ZDHHC14: variants seen among roughly 807,000 people sequenced by gnomAD.
ZDHHC14 encodes palmitoyltransferase ZDHHC14.
Under a neutral mutation model 47.7 loss-of-function variants are expected in ZDHHC14, and 16 were observed. The ratio of observed to expected loss-of-function variants is 0.34; its 90% CI spans 0.23 to 0.51. The LOEUF (loss-of-function observed/expected upper bound fraction) is 0.51. ZDHHC14 is among the 20% of genes least tolerant of loss of function. The pLI is 0.97. For synonymous variants in ZDHHC14, 293 were observed against 278.9 expected (o/e 1.05, Z -0.50); for missense variants, 515 against 662.5 (o/e 0.78, Z 2.44).
chr6:157,441,913 T>C (rs374415548), intron 1 of ZDHHC14, among the ~76,000 whole-genome samples: 57 of 152,314 alleles, frequency 3.7e-4, no homozygotes, highest in African/African-American at 1.4e-3. Flanking sequence ...ACAGAAAAGA[T>C]TTCTGTTTCG....
chr6:157,542,511 T>A (rs922656284), intron 1 of ZDHHC14, 74 bp from the exon 2 acceptor site: 24 of 1,515,774 alleles, frequency 1.6e-5, no homozygotes, highest in Non-Finnish European at 1.9e-5. Flanking sequence ...AGATAAAGAC[T>A]GCTTACTGTT....
chr6:157,659,361 G>A (rs747037814), intron 8 of ZDHHC14, among the ~76,000 whole-genome samples: 2 of 152,234 alleles, frequency 1.3e-5, no homozygotes, highest in Non-Finnish European at 2.9e-5. Flanking sequence ...CGTGGTCTCC[G>A]GGCCCCGCAC....
intron 1 of ZDHHC14, among the ~76,000 whole-genome samples, chr6:157,456,997 T>TAATAAATAAATAAATAAATAAATAAATA (rs557075276): frequency 4.1e-5 from 6 of 146,888 alleles, no homozygotes; most frequent in South Asian, 2.1e-4. Context: ...AAAAATACAA[T>TAATAAATAAATAAATAAATAAATAAATA]AATAAATAAA....
chr6:157,435,498 C>T (rs1308089323), intron 1 of ZDHHC14, among the ~76,000 whole-genome samples: 1 of 152,078 alleles, frequency 6.6e-6, no homozygotes. Context: ...CCTATAAGCT[C>T]AGTAAGGTGG....
chr6:157,404,395 A>G (rs1298347723), intron 1 of ZDHHC14, among the ~76,000 whole-genome samples: 1 of 152,164 alleles, frequency 6.6e-6, no homozygotes. Flanking sequence ...TCAGCCTCCC[A>G]AAGTGCTGGG....
intron 8 of ZDHHC14, among the ~76,000 whole-genome samples, chr6:157,656,719 C>CAA (rs35815142): frequency 1.9e-5 from 2 of 106,430 alleles, no homozygotes. Flanking sequence ...AAAAAAAAAA[C>CAA]AAAAAAAAAA....
chr6:157,589,209 T>A (rs1783814336), intron 2 of ZDHHC14, among the ~76,000 whole-genome samples: 1 of 151,904 alleles, frequency 6.6e-6, no homozygotes, highest in African/African-American at 2.4e-5. Context: ...TGCTACACCT[T>A]TTAAACAATG....
intron 1 of ZDHHC14, among the ~76,000 whole-genome samples, chr6:157,486,900 G>A (rs1345819417): frequency 1.3e-5 from 2 of 152,332 alleles, no homozygotes; most frequent in East Asian, 3.9e-4. Flanking sequence ...GCAGGAGGAT[G>A]CAGGAGGTGG....
chr6:157,658,566 T>C (rs1032507350), intron 8 of ZDHHC14, among the ~76,000 whole-genome samples: 1 of 151,876 alleles, frequency 6.6e-6, no homozygotes, highest in Non-Finnish European at 1.5e-5. Flanking sequence ...GCTGTGGGGC[T>C]ATGCGCAGTC....
At chr6:157,574,743 C>T (rs1393135391) in intron 2 of ZDHHC14, among the ~76,000 whole-genome samples, 3 of 152,224 alleles carry the variant, frequency 2.0e-5, no homozygotes, top group Non-Finnish European at 2.9e-5. Context: ...TGGCCACCAC[C>T]CTATTTCAAG....
At chr6:157,650,011 C>T (rs1442357039) in intron 7 of ZDHHC14, among the ~76,000 whole-genome samples, 2 of 150,642 alleles carry the variant, frequency 1.3e-5, no homozygotes, top group Non-Finnish European at 3.0e-5. Flanking sequence ...GAGGGGCTGG[C>T]TCTGTGCCAG....
At chr6:157,507,440 C>T (rs540014836) in intron 1 of ZDHHC14, among the ~76,000 whole-genome samples, 5 of 152,146 alleles carry the variant, frequency 3.3e-5, no homozygotes, top group African/African-American at 1.2e-4. Context: ...CGCCACCACA[C>T]CTGGCTAATT....
At position 157,442,217 on chromosome 6, in the gene ZDHHC14, C is replaced by T. The variant is rs1336509744; in HGVS notation, c.245+59951C>T. Among the ~76,000 whole-genome samples the T allele has an allele frequency of 4.0e-5, 6 of 151,870 alleles. No individual in the cohort carries two copies. In the East Asian group the frequency reaches 1.2e-3, roughly 29 times the overall value. On this transcript the variant is annotated intron_variant, in intron 1 of 8. Coordinates refer to ENST00000359775, the MANE Select transcript of ZDHHC14 (RefSeq NM_024630.3). ...GACAAGCCTAGGCAACATGGTGAAA[C>T]CAAAAAAATACAAAAATTATCTGGA...
chr6:157,473,988 C>CTTT (rs34287258), intron 1 of ZDHHC14, among the ~76,000 whole-genome samples: 5 of 118,602 alleles, frequency 4.2e-5, no homozygotes, highest in African/African-American at 9.4e-5. Context: ...ATTTTCTTTT[C>CTTT]TTTTTTTTTT....
intron 8 of ZDHHC14, among the ~76,000 whole-genome samples, chr6:157,663,129 C>T (rs370307384): frequency 3.3e-5 from 5 of 152,232 alleles, no homozygotes. Context: ...GCCCTCCCTA[C>T]ACTGCCTTTG....
chr6:157,393,271 G>T (rs1185418414), intron 1 of ZDHHC14, among the ~76,000 whole-genome samples: 1 of 152,178 alleles, frequency 6.6e-6, no homozygotes, highest in Non-Finnish European at 1.5e-5. Flanking sequence ...TTTAAAAACT[G>T]CTGACTTCCA....
At chr6:157,632,980 C>A in intron 5 of ZDHHC14, 98 bp downstream of exon 5, 3 of 1,290,908 alleles carry the variant, frequency 2.3e-6, no homozygotes, top group Non-Finnish European at 3.4e-6. Context: ...CCCGGCCTTG[C>A]TTCTCATGTA....
chr6:157,427,789 G>A lies in ZDHHC14; in HGVS notation c.245+45523G>A, dbSNP rs1778251850. Among the ~76,000 whole-genome samples, 1 of 152,128 alleles carries A rather than the reference G, an allele frequency of 6.6e-6. No homozygotes were observed. The highest frequency in any genetic ancestry group is 6.5e-5 in the Admixed American group (1 of 15,272). On this transcript the variant is annotated intron_variant, in intron 1 of 8. Transcript: ENST00000359775. This position sits in a 1 kb window ranked among gnomAD's most constrained non-coding sequence, Gnocchi z 4.4. ...GATTGACCACCTTCCATCGGAGTGT[G>A]GAAACAGGTTTTCATCAAGATCCTT...
chr6:157,526,271 G>A (rs781771782), intron 1 of ZDHHC14, among the ~76,000 whole-genome samples: 5 of 152,148 alleles, frequency 3.3e-5, no homozygotes, highest in African/African-American at 1.2e-4. Flanking sequence ...ACCTATAATT[G>A]ACATTATTCC....
Sources: allele counts gnomAD v4.1 joint callset (sites outside exome capture counted in the v4.1 genomes callset), GRCh38; gene constraint gnomAD v4.1.1; non-coding constraint Gnocchi (gnomAD v3.1); transcripts MANE v1.5; gene names NCBI Gene and HGNC (gene_info 2026-07-23, HGNC 2026-07-21).